The following DGKB variants were observed in gnomAD, a reference collection of about 807,000 sequenced individuals.
DGKB encodes 90 kDa diacylglycerol kinase.
DGKB carries 67 observed loss-of-function variants against 114.3 expected under a neutral mutation model. That is an observed-to-expected ratio of 0.59 (90% CI 0.48 to 0.72). The LOEUF (loss-of-function observed/expected upper bound fraction) is 0.72. Among genes scored for constraint, DGKB ranks in the 30% least tolerant of loss-of-function variants. DGKB has a pLI of 0.00. For synonymous variants in DGKB, 398 were observed against 323.1 expected (o/e 1.23, Z -2.49); for missense variants, 907 against 975.2 (o/e 0.93, Z 0.93).
At chr7:14,945,648 A>G (rs1184205991) in intron 1 of DGKB, among the ~76,000 whole-genome samples, 1 of 151,820 alleles carries the variant, frequency 6.6e-6, no homozygotes, top group Non-Finnish European at 1.5e-5. Context: ...ATATCAGAAC[A>G]CATGCCACTA....
intron 23 of DGKB, among the ~76,000 whole-genome samples, chr7:14,265,415 C>A (rs1208656758): frequency 1.5e-5 from 2 of 135,884 alleles, no homozygotes; most frequent in Admixed American, 8.1e-5. Context: ...CCGTACTGTG[C>A]TAATTGCTCC....
Position 14,911,801 on chromosome 7 carries a change from G to A in DGKB, c.-188+62895C>T, listed in dbSNP as rs543421837. On this transcript the variant is annotated intron_variant, in intron 1 of 4. Transcript: ENST00000437998. The stretch of plus-strand genomic sequence containing the variant: ...TGACTTCAGATGGGAGACCAAAGAT[G>A]TGAAAATAAAAATGAAGGCAATTAG... Among the ~76,000 whole-genome samples, 143 of 152,156 alleles carry A rather than the reference G, an allele frequency of 9.4e-4. 3 individuals carry two copies. The highest frequency in any genetic ancestry group is 1.2e-3 in the Non-Finnish European group (80 of 68,016).
chr7:14,418,956 C>T (rs1826230484), intron 21 of DGKB, among the ~76,000 whole-genome samples: 1 of 151,784 alleles, frequency 6.6e-6, no homozygotes, highest in Admixed American at 6.6e-5. Context: ...CATTTATAAA[C>T]ATTCACAATA....
At chr7:14,558,201 A>G (rs1308848361) in intron 20 of DGKB, among the ~76,000 whole-genome samples, 3 of 135,954 alleles carry the variant, frequency 2.2e-5, no homozygotes, top group Non-Finnish European at 1.6e-5. Flanking sequence ...TTCTGTATAG[A>G]GGATGACTAT....
chr7:14,599,182 T>C (rs1803106758), intron 17 of DGKB, among the ~76,000 whole-genome samples: 1 of 152,174 alleles, frequency 6.6e-6, no homozygotes, highest in Non-Finnish European at 1.5e-5. Context: ...TCATCATTCT[T>C]CATTGCAATG....
At chr7:14,645,882 C>T (rs1232207003) in intron 13 of DGKB, among the ~76,000 whole-genome samples, 1 of 151,940 alleles carries the variant, frequency 6.6e-6, no homozygotes, top group South Asian at 2.1e-4. Context: ...ATTATGATAA[C>T]AAATGAGAAA....
chr7:14,658,374 T>C (rs62443685), intron 13 of DGKB, among the ~76,000 whole-genome samples: 252 of 152,084 alleles, frequency 1.7e-3, no homozygotes, highest in Non-Finnish European at 3.0e-3. Flanking sequence ...GTTAATTCCA[T>C]GCGGGTAGAG....
intron 25 of DGKB, among the ~76,000 whole-genome samples, chr7:14,172,755 A>G (rs1411411682): frequency 2.6e-5 from 4 of 152,146 alleles, no homozygotes; most frequent in Non-Finnish European, 5.9e-5. Context: ...TGTGTCACTT[A>G]AAATAAATGG....
At chr7:14,298,693 G>A (rs897770948) in intron 23 of DGKB, among the ~76,000 whole-genome samples, 9 of 152,094 alleles carry the variant, frequency 5.9e-5, no homozygotes. Context: ...TTAACAAATG[G>A]GATCTAATTA....
intron 2 of DGKB, among the ~76,000 whole-genome samples, chr7:14,800,978 T>A (rs537813510): frequency 1.3e-5 from 2 of 152,210 alleles, no homozygotes; most frequent in African/African-American, 4.8e-5. Context: ...AAGGTAGCTA[T>A]AAACACCACC....
At chr7:14,209,344 A>T (rs948725726) in intron 23 of DGKB, 1 of 409,164 alleles carries the variant, frequency 2.4e-6, no homozygotes, top group Admixed American at 2.9e-5. Flanking sequence ...GATATATACG[A>T]CAAGATTGGG....
intron 1 of DGKB, among the ~76,000 whole-genome samples, chr7:14,926,742 C>A (rs912358401): frequency 2.6e-5 from 4 of 151,830 alleles, no homozygotes; most frequent in Admixed American, 6.6e-5. Context: ...CATGTAATAT[C>A]TCTGAAAGTG....
chr7:14,677,254 A>G (rs1327410191), intron 12 of DGKB, among the ~76,000 whole-genome samples: 3 of 151,998 alleles, frequency 2.0e-5, no homozygotes, highest in African/African-American at 7.2e-5. Flanking sequence ...TGAGAAGTCA[A>G]AAGGAGGAAA....
intron 2 of DGKB, among the ~76,000 whole-genome samples, chr7:14,819,313 G>A (rs762293270): frequency 1.7e-4 from 26 of 152,216 alleles, no homozygotes; most frequent in Non-Finnish European, 2.5e-4. Context: ...CTGGCTGGGT[G>A]TGGTGGCTCA....
At chr7:14,409,872 A>G (rs1316500308) in intron 21 of DGKB, among the ~76,000 whole-genome samples, 2 of 152,158 alleles carry the variant, frequency 1.3e-5, no homozygotes, top group Non-Finnish European at 2.9e-5. Flanking sequence ...GATTTTCTTA[A>G]TAACACTATC....
At chr7:14,381,365 T>C (rs926845693) in intron 21 of DGKB, among the ~76,000 whole-genome samples, 1 of 152,214 alleles carries the variant, frequency 6.6e-6, no homozygotes, top group Non-Finnish European at 1.5e-5. Context: ...AACGGACTTA[T>C]TGAAGGCTTA....
At chr7:14,553,718 CCA>C (rs1795438319) in intron 20 of DGKB, among the ~76,000 whole-genome samples, 1 of 151,972 alleles carries the variant, frequency 6.6e-6, no homozygotes, top group Admixed American at 6.6e-5. Flanking sequence ...TAAAGATTAC[CCA>C]CAGTCCCACC....
chr7:14,967,703 A>AT (rs1003943904), intron 1 of DGKB, among the ~76,000 whole-genome samples: 8 of 146,310 alleles, frequency 5.5e-5, no homozygotes, highest in Non-Finnish European at 9.1e-5. Context: ...ACAAAACTTT[A>AT]TTTTTTTTGG....
chr7:14,663,151 G>C (rs1817454686), intron 13 of DGKB, among the ~76,000 whole-genome samples: 1 of 151,952 alleles, frequency 6.6e-6, no homozygotes, highest in South Asian at 2.1e-4. Context: ...AGAGTTCTAA[G>C]GTAACTGAAC....
Sources: allele counts gnomAD v4.1 joint callset (sites outside exome capture counted in the v4.1 genomes callset), GRCh38; gene constraint gnomAD v4.1.1; transcripts MANE v1.5; gene names NCBI Gene and HGNC (gene_info 2026-07-23, HGNC 2026-07-21).